AP3S2: variants seen among roughly 807,000 people sequenced by gnomAD.
AP3S2 encodes AP-3 complex subunit sigma-2.
Under a neutral mutation model 23.4 loss-of-function variants are expected in AP3S2, and 22 were observed. The observed-to-expected ratio is 0.94, with a 90% CI of 0.67 to 1.34. The LOEUF is 1.34. Among genes scored for constraint, AP3S2 ranks in the 40% most tolerant of loss-of-function variants. The pLI is 0.00. For missense variants in AP3S2, 241 were observed against 236.9 expected, an observed-to-expected ratio of 1.02 and a Z score of -0.11; for synonymous variants, 86 against 87.1, an observed-to-expected ratio of 0.99 and a Z score of 0.07.
intron 1 of AP3S2, among the ~76,000 whole-genome samples, chr15:89,890,599 G>A (rs1209569454): frequency 6.6e-6 from 1 of 152,160 alleles, no homozygotes; most frequent in Non-Finnish European, 1.5e-5. Flanking sequence ...GCAGGTATAG[G>A]TTAAGTCCTG....
rs1169310110 is a variant in AP3S2 at position 89,833,314 on chromosome 15, ACT to A, written c.*2199_*2200del. On this transcript the variant is annotated 3_prime_UTR_variant, in exon 6 of 6. Coordinates refer to ENST00000336418, the MANE Select transcript of AP3S2 (RefSeq NM_005829.5). Reference sequence around the variant, plus strand: ...TAGACCACGGTTTGTGAGAAGTCAGACTCTCTGAGGCTCAGTTTCCTTATCTA... The same window carrying A: ...TAGACCACGGTTTGTGAGAAGTCAGACTCTGAGGCTCAGTTTCCTTATCTA... 1 of 152,108 alleles carries A rather than the reference ACT, an allele frequency of 6.6e-6. No individual in the cohort carries two copies. Among genetic ancestry groups the A allele is most frequent in the African/African-American group, 2.4e-5 (1 of 41,400 alleles). 9.4% of individuals were successfully genotyped at this position (152,108 alleles called of 1,614,324 possible). A position where few individuals can be genotyped will look rare whatever the true frequency, so the allele number is the denominator to read the frequency against.
At chr15:89,875,648 C>G (rs1321471800) in intron 3 of AP3S2, among the ~76,000 whole-genome samples, 5 of 152,128 alleles carry the variant, frequency 3.3e-5, no homozygotes, top group Non-Finnish European at 7.4e-5. Flanking sequence ...AAGAGAGGGA[C>G]TAAATTCATC....
In AP3S2 at chr15:89,831,585, G is replaced by A. The variant is rs1181349964; in HGVS notation, c.*3930C>T. ...ACGCTGAAAGCCCTTACTAGAGACT[G>A]GTCCACAAGATCAGATTTAGCTGCC... On this transcript the variant is annotated 3_prime_UTR_variant, in exon 6 of 6. Transcript: ENST00000336418. 1.3e-5 allele frequency: 2 copies of A among 152,278 alleles called. No individual in the cohort carries two copies. Among genetic ancestry groups the A allele is most frequent in the Non-Finnish European group, 2.9e-5 (2 of 68,092 alleles). The allele number at this position is 152,278 out of a possible 1,614,324, so 9.4% of individuals were successfully genotyped here.
intron 4 of AP3S2, among the ~76,000 whole-genome samples, chr15:89,852,937 G>A (rs943169194): frequency 6.6e-6 from 1 of 152,198 alleles, no homozygotes. Flanking sequence ...AGGCTAGACA[G>A]GCAGGCTGGG....
Position 89,830,641 on chromosome 15 carries a change from T to C in AP3S2, c.*4874A>G, listed in dbSNP as rs7111. 110,180 of 152,330 alleles carry C rather than the reference T, an allele frequency of 0.72. 40,003 individuals are homozygous for C. The highest frequency in any genetic ancestry group is 0.8 in the East Asian group (4,147 of 5,182). The allele number at this position is 152,330 out of a possible 1,614,324, so 9.4% of individuals were successfully genotyped here. A position where few individuals can be genotyped will look rare whatever the true frequency, so the allele number is the denominator to read the frequency against. On this transcript the variant is annotated 3_prime_UTR_variant, in exon 6 of 6. Coordinates refer to ENST00000336418, the MANE Select transcript of AP3S2 (RefSeq NM_005829.5). ...TATTTATTGAACGCCATGGACCAGG[T>C]ACCGTGCCCAGCAGCTGGGATGCAG...
chr15:89,887,330 A>G (rs929758479), intron 3 of AP3S2, among the ~76,000 whole-genome samples: 2 of 152,148 alleles, frequency 1.3e-5, no homozygotes, highest in African/African-American at 4.8e-5. Flanking sequence ...TTATCTTAAG[A>G]AAACAAATTT....
intron 4 of AP3S2, among the ~76,000 whole-genome samples, chr15:89,866,831 C>T (rs922939824): frequency 1.4e-4 from 21 of 152,080 alleles, no homozygotes; most frequent in Non-Finnish European, 2.9e-5. Context: ...AAGCATTCTG[C>T]CTATCTCTCC....
chr15:89,879,939 A>G (rs549760711), intron 3 of AP3S2, among the ~76,000 whole-genome samples: 79 of 151,146 alleles, frequency 5.2e-4, no homozygotes, highest in African/African-American at 1.8e-3. Flanking sequence ...TACTGGAGGC[A>G]TTATAAATTA....
chr15:89,840,719 C>T (rs1895308763), intron 4 of AP3S2, among the ~76,000 whole-genome samples: 1 of 152,174 alleles, frequency 6.6e-6, no homozygotes, highest in South Asian at 2.1e-4. Flanking sequence ...TGAGCCACCA[C>T]GCCTGGCCTG....
chr15:89,838,808 G>A (rs939575591), intron 4 of AP3S2, among the ~76,000 whole-genome samples: 2 of 152,168 alleles, frequency 1.3e-5, no homozygotes, highest in African/African-American at 4.8e-5. Flanking sequence ...AGAGGTAGGG[G>A]AAAGAATTTC....
chr15:89,887,119 T>C (rs1896718337), intron 3 of AP3S2, among the ~76,000 whole-genome samples: 1 of 152,168 alleles, frequency 6.6e-6, no homozygotes, highest in Non-Finnish European at 1.5e-5. Context: ...ATTATGCTGA[T>C]TATCAATGTC....
intron 4 of AP3S2, among the ~76,000 whole-genome samples, chr15:89,843,291 T>A (rs1016029204): frequency 1.3e-5 from 2 of 151,710 alleles, no homozygotes; most frequent in Non-Finnish European, 2.9e-5. Context: ...GCCAAGTATT[T>A]CTTAAGGAAT....
intron 4 of AP3S2, among the ~76,000 whole-genome samples, chr15:89,844,155 C>T (rs1339119269): frequency 3.3e-5 from 5 of 152,238 alleles, no homozygotes; most frequent in Non-Finnish European, 5.9e-5. Context: ...AACAACAAAA[C>T]TTTGAGAGCC....
rs1895105199 is a variant in AP3S2 at position 89,832,655 on chromosome 15, A to G, written c.*2860T>C. The G allele has an allele frequency of 6.6e-6, 1 of 151,666 alleles. No homozygotes were observed. Among genetic ancestry groups the G allele is most frequent in the Non-Finnish European group, 1.5e-5 (1 of 67,958 alleles). The allele number at this position is 151,666 out of a possible 1,614,324, so 9.4% of individuals were successfully genotyped here. On this transcript the variant is annotated 3_prime_UTR_variant, in exon 6 of 6. Coordinates refer to ENST00000336418, the MANE Select transcript of AP3S2 (RefSeq NM_005829.5). Reference sequence around the variant, plus strand: ...AGGTGTCCACTACCACGGCTGGCCAATTTTTTGTATTTTTAGTAGAGATGG... The same window carrying G: ...AGGTGTCCACTACCACGGCTGGCCAGTTTTTTGTATTTTTAGTAGAGATGG...
intron 1 of AP3S2, among the ~76,000 whole-genome samples, chr15:89,890,121 G>A (rs549555774): frequency 6.6e-6 from 1 of 151,898 alleles, no homozygotes; most frequent in South Asian, 2.1e-4. Context: ...TGTGATCACA[G>A]CTCATTGCAA....
At chr15:89,842,900 T>C (rs1895365025) in intron 4 of AP3S2, among the ~76,000 whole-genome samples, 3 of 152,062 alleles carry the variant, frequency 2.0e-5, no homozygotes, top group Non-Finnish European at 4.4e-5. Flanking sequence ...CGTAAGCCAC[T>C]GTGCCCAGAA....
chr15:89,835,168 C>A lies in AP3S2; in HGVS notation c.*347G>T. The A allele has an allele frequency of 2.9e-6, 1 of 346,576 alleles. No individual in the cohort carries two copies. Among genetic ancestry groups the A allele is most frequent in the Non-Finnish European group, 5.2e-6 (1 of 192,636 alleles). 21.5% of individuals were successfully genotyped at this position (346,576 alleles called of 1,614,324 possible). On this transcript the variant is annotated 3_prime_UTR_variant, in exon 6 of 6. Coordinates refer to ENST00000336418, the MANE Select transcript of AP3S2 (RefSeq NM_005829.5). ...AGGAGGTTCTGGGAAGCAGGTGGGC[C>A]TGCTCAATGCAGTCCCTAACCCTTG...
intron 2 of AP3S2, 80 bp downstream of exon 2, chr15:89,888,968 CT>C: frequency 6.5e-7 from 1 of 1,534,936 alleles, no homozygotes; most frequent in Admixed American, 1.7e-5. Context: ...CCACCTGACA[CT>C]TGAGTACTGT....
chr15:89,831,554 A>C lies in AP3S2; in HGVS notation c.*3961T>G, dbSNP rs1314703238. ...ATCCTATTTGGAAAGCAATGGACAG[A>C]CAGCCACGCTGAAAGCCCTTACTAG... On this transcript the variant is annotated 3_prime_UTR_variant, in exon 6 of 6. Transcript: ENST00000336418. The C allele has an allele frequency of 6.6e-6, 1 of 152,288 alleles. No homozygotes were observed. Among genetic ancestry groups the C allele is most frequent in the African/African-American group, 2.4e-5 (1 of 41,474 alleles). 9.4% of individuals were successfully genotyped at this position (152,288 alleles called of 1,614,324 possible).
Sources: gnomAD v4.1 joint callset for allele counts (sites outside exome capture counted in the v4.1 genomes callset) on GRCh38, gnomAD v4.1.1 for gene constraint, MANE v1.5 for transcripts, NCBI Gene and HGNC (gene_info 2026-07-23, HGNC 2026-07-21) for gene names.